The following RRAS2 variants were observed in gnomAD, a reference collection of about 807,000 sequenced individuals.
The protein encoded by RRAS2 is ras-related protein R-Ras2.
RRAS2 carries 7 observed loss-of-function variants against 27.6 expected under a neutral mutation model. The observed-to-expected ratio is 0.25, with a 90% CI of 0.14 to 0.48. The LOEUF (loss-of-function observed/expected upper bound fraction) is 0.48. Ranked by LOEUF, RRAS2 falls within the 20% of genes least tolerant of loss-of-function variation. The pLI is 0.99. For synonymous variants in RRAS2, 86 were observed against 90.9 expected, an observed-to-expected ratio of 0.95 and a Z score of 0.31; for missense variants, 178 against 256.2, an observed-to-expected ratio of 0.69 and a Z score of 2.08.
At chr11:14,336,937 T>C (rs1302998500) in intron 1 of RRAS2, 2 of 152,096 alleles carry the variant, frequency 1.3e-5, no homozygotes, top group Non-Finnish European at 2.9e-5. Flanking sequence ...AGACACATCA[T>C]AATTAAACTT....
chr11:14,302,675 G>A (rs1847745881), intron 1 of RRAS2, among the ~76,000 whole-genome samples: 1 of 152,114 alleles, frequency 6.6e-6, no homozygotes, highest in African/African-American at 2.4e-5. Flanking sequence ...TTGCCCCTCG[G>A]GATCTAATAA....
At chr11:14,323,189 G>T (rs1848264326) in intron 1 of RRAS2, among the ~76,000 whole-genome samples, 1 of 152,208 alleles carries the variant, frequency 6.6e-6, no homozygotes, top group Non-Finnish European at 1.5e-5. Context: ...GCTCACACCT[G>T]TAATGCCAAC....
rs537476933 is a variant in RRAS2, at chr11:14,313,996, T to TA, written c.109-18142dup. On this transcript the variant is annotated intron_variant, in intron 1 of 5. Coordinates refer to ENST00000256196, the MANE Select transcript of RRAS2 (RefSeq NM_012250.6). ...CAAGTATTTTTAATTTATTATGTTATAAAACAACACATCTTCATTGTAGAA... is the reference window on the plus strand; with the variant it reads ...CAAGTATTTTTAATTTATTATGTTATAAAAACAACACATCTTCATTGTAGAA... Among the ~76,000 whole-genome samples the TA allele has an allele frequency of 9.5e-4, 144 of 152,334 alleles. 1 individual carries two copies. The highest frequency in any genetic ancestry group is 3.4e-3 in the African/African-American group (142 of 41,588).
intron 1 of RRAS2, among the ~76,000 whole-genome samples, chr11:14,337,855 G>C (rs1372978265): frequency 6.6e-6 from 1 of 152,102 alleles, no homozygotes; most frequent in Non-Finnish European, 1.5e-5. Flanking sequence ...CTCAGATAAG[G>C]AAAACCAAAG....
intron 5 of RRAS2, among the ~76,000 whole-genome samples, chr11:14,280,495 A>T (rs1849494320): frequency 1.3e-5 from 2 of 152,014 alleles, no homozygotes; most frequent in African/African-American, 4.8e-5. Context: ...TGGGAGGCTG[A>T]GGCGGGTGGA....
intron 1 of RRAS2, among the ~76,000 whole-genome samples, chr11:14,349,391 T>C (rs2134034270): frequency 6.6e-6 from 1 of 150,764 alleles, no homozygotes; most frequent in Non-Finnish European, 1.5e-5. Context: ...CTCGATCTGC[T>C]GACCTCGTGA....
At chr11:14,313,903 T>A (rs1848035048) in intron 1 of RRAS2, among the ~76,000 whole-genome samples, 1 of 152,112 alleles carries the variant, frequency 6.6e-6, no homozygotes, top group South Asian at 2.1e-4. Context: ...AATATACACA[T>A]CTAAAATAGT....
chr11:14,310,248 C>A (rs1321296048), intron 1 of RRAS2, among the ~76,000 whole-genome samples: 1 of 152,190 alleles, frequency 6.6e-6, no homozygotes, highest in Admixed American at 6.5e-5. Flanking sequence ...TGGTTTTGTA[C>A]ATGTTCTGTT....
chr11:14,314,731 C>T (rs1848056942), intron 1 of RRAS2, among the ~76,000 whole-genome samples: 1 of 152,156 alleles, frequency 6.6e-6, no homozygotes, highest in South Asian at 2.1e-4. Flanking sequence ...ACTCTGTCGC[C>T]CATGCTGGAG....
chr11:14,354,273 C>T (rs1849025856), intron 1 of RRAS2: 2 of 152,234 alleles, frequency 1.3e-5, no homozygotes, highest in Admixed American at 1.3e-4. Flanking sequence ...CCCCTACCTA[C>T]CTCAAAATCT....
At chr11:14,335,304 C>T (rs559690210) in intron 1 of RRAS2, among the ~76,000 whole-genome samples, 1 of 152,298 alleles carries the variant, frequency 6.6e-6, no homozygotes, top group East Asian at 1.9e-4. Flanking sequence ...AAAATCCTTA[C>T]TTTACATTCC....
In RRAS2 at chr11:14,349,384, G is replaced by A. The variant is rs529905214; in HGVS notation, c.108+9379C>T. Among the ~76,000 whole-genome samples, 33 of 147,620 alleles carry A rather than the reference G, an allele frequency of 2.2e-4. No homozygotes were observed. In the South Asian group the frequency reaches 3.8e-3, roughly 17 times the overall value. On this transcript the variant is annotated intron_variant, in intron 1 of 5. Transcript: ENST00000256196. ...TCACTGTGTTAGCCAGGATGGTCTC[G>A]ATCTGCTGACCTCGTGATACACCCG...
rs148367348 is a variant in RRAS2, at chr11:14,334,408, T to C, written c.108+24355A>G. Among the ~76,000 whole-genome samples the C allele has an allele frequency of 2.6e-5, 4 of 152,318 alleles. No homozygotes were observed. The East Asian group carries it at 5.8e-4, about 22-fold the overall frequency. ...ATTATTTGTATCATCAGCAAATTTATTTTAAAAATGCAGTTCTTGTTGTTG... is the reference window on the plus strand; with the variant it reads ...ATTATTTGTATCATCAGCAAATTTACTTTAAAAATGCAGTTCTTGTTGTTG... On this transcript the variant is annotated intron_variant, in intron 1 of 5. Transcript: ENST00000256196.
intron 1 of RRAS2, among the ~76,000 whole-genome samples, chr11:14,341,596 A>T (rs782647638): frequency 5.9e-5 from 9 of 152,154 alleles, no homozygotes; most frequent in Non-Finnish European, 1.0e-4. Flanking sequence ...GACCAAAAAA[A>T]AAATAAAAAT....
At chr11:14,319,459 C>T (rs1848181104) in intron 1 of RRAS2, among the ~76,000 whole-genome samples, 1 of 148,694 alleles carries the variant, frequency 6.7e-6, no homozygotes, top group African/African-American at 2.5e-5. Context: ...CCCGGGTTCA[C>T]GCCATTCTCC....
At chr11:14,337,630 G>A (rs1050456846) in intron 1 of RRAS2, among the ~76,000 whole-genome samples, 2 of 152,118 alleles carry the variant, frequency 1.3e-5, no homozygotes. Flanking sequence ...CTCCTACTGT[G>A]CCTAATTTAT....
chr11:14,287,135 T>A (rs970156352), intron 4 of RRAS2, among the ~76,000 whole-genome samples: 1 of 152,152 alleles, frequency 6.6e-6, no homozygotes, highest in Non-Finnish European at 1.5e-5. Flanking sequence ...AGAGCTCCCA[T>A]CACACCATCT....
chr11:14,323,529 TC>T (rs1848276285), intron 1 of RRAS2, among the ~76,000 whole-genome samples: 1 of 150,970 alleles, frequency 6.6e-6, no homozygotes, highest in Non-Finnish European at 1.5e-5. Flanking sequence ...AAAATAAACT[TC>T]CCCCTCTTCC....
chr11:14,294,162 T>C (rs1847486190), intron 4 of RRAS2, among the ~76,000 whole-genome samples: 2 of 152,232 alleles, frequency 1.3e-5, no homozygotes, highest in Non-Finnish European at 2.9e-5. Context: ...GAGTTTTGGA[T>C]GTAATCCAAG....
Sources: allele counts gnomAD v4.1 joint callset (sites outside exome capture counted in the v4.1 genomes callset), GRCh38; gene constraint gnomAD v4.1.1; transcripts MANE v1.5; gene names NCBI Gene and HGNC (gene_info 2026-07-23, HGNC 2026-07-21).